RAB3GAP1: variants seen among roughly 807,000 people sequenced by gnomAD.
The protein encoded by RAB3GAP1 is rab3 GTPase-activating protein catalytic subunit.
A neutral mutation model predicts 130.7 loss-of-function variants in RAB3GAP1; 86 were observed. The observed-to-expected ratio is 0.66, with a 90% CI of 0.55 to 0.79. RAB3GAP1 has a LOEUF of 0.79. Ranked by LOEUF, RAB3GAP1 falls within the 30% of genes least tolerant of loss-of-function variation. RAB3GAP1 has a pLI of 0.00. For missense variants in RAB3GAP1, 1,029 were observed against 1,169.4 expected (o/e 0.88, Z 1.75); for synonymous variants, 367 against 401.7 (o/e 0.91, Z 1.03).
intron 5 of RAB3GAP1, among the ~76,000 whole-genome samples, chr2:135,111,499 T>G (rs2104910057): frequency 6.6e-6 from 1 of 152,312 alleles, no homozygotes; most frequent in South Asian, 2.1e-4. Flanking sequence ...TTTAACCCCT[T>G]TTTAATGTGT....
chr2:135,126,645 A>T lies in RAB3GAP1; in HGVS notation c.962A>T (p.Gln321Leu). 1 of 1,610,914 alleles carries T rather than the reference A, an allele frequency of 6.2e-7. No homozygotes were observed. Reference protein sequence around the residue: ...SVRVRKAENPQCLLGDFVTEF... With the variant: ...SVRVRKAENPLCLLGDFVTEF... ...AGAGTTCGAAAAGCTGAGAATCCTC[A>T]GTGTTTGCTAGGTAAGGTATATTAT... The change falls in exon 11 of 24, where the codon CAG becomes CTG. Residue 321 changes from glutamine (Q) to leucine (L), a missense_variant. Gln to Leu is a moderately radical substitution (Grantham distance 113). Coordinates refer to ENST00000264158, the MANE Select transcript of RAB3GAP1 (RefSeq NM_012233.3).
At chr2:135,135,220 T>C (rs1332032612) in intron 15 of RAB3GAP1, 45 bp from the exon 16 acceptor site, 2 of 1,486,862 alleles carry the variant, frequency 1.3e-6, no homozygotes, top group Non-Finnish European at 1.9e-6. Flanking sequence ...TCTGAAGCAA[T>C]TTTACTAAAA....
chr2:135,142,588 A>T (rs760845117), intron 17 of RAB3GAP1, among the ~76,000 whole-genome samples: 2 of 152,158 alleles, frequency 1.3e-5, no homozygotes, highest in Non-Finnish European at 2.9e-5. Flanking sequence ...TCTTGTTCCC[A>T]ACCTCAGAAA....
chr2:135,131,412 A>T (rs573843110), intron 13 of RAB3GAP1, among the ~76,000 whole-genome samples: 175 of 151,654 alleles, frequency 1.2e-3, no homozygotes, highest in Admixed American at 2.2e-3. Flanking sequence ...ATTTTTTTTT[A>T]GTAGAGATAG....
intron 3 of RAB3GAP1, among the ~76,000 whole-genome samples, chr2:135,076,777 C>G (rs1292703334): frequency 6.6e-6 from 1 of 152,192 alleles, no homozygotes; most frequent in Non-Finnish European, 1.5e-5. Flanking sequence ...TTTTTATCAT[C>G]CCAAAGTCTA....
At chr2:135,135,456 C>T in intron 16 of RAB3GAP1, 108 bp from the exon 17 acceptor site, 2 of 1,455,566 alleles carry the variant, frequency 1.4e-6, no homozygotes, top group Non-Finnish European at 1.9e-6. Context: ...CACTGCAATT[C>T]ACAAGGTCCT....
At chr2:135,070,930 A>T (rs183744090) in intron 3 of RAB3GAP1, among the ~76,000 whole-genome samples, 1 of 152,198 alleles carries the variant, frequency 6.6e-6, no homozygotes, top group African/African-American at 2.4e-5. Context: ...CATGACCCCA[A>T]AAAGGTTAAA....
intron 2 of RAB3GAP1, among the ~76,000 whole-genome samples, chr2:135,055,993 C>T (rs1688998365): frequency 1.3e-5 from 2 of 151,880 alleles, no homozygotes; most frequent in Admixed American, 6.6e-5. Flanking sequence ...CCCGCCACCA[C>T]GCCCGGCTAA....
intron 17 of RAB3GAP1, among the ~76,000 whole-genome samples, chr2:135,145,661 TAA>T (rs1558798429): frequency 6.6e-6 from 1 of 152,194 alleles, no homozygotes; most frequent in Non-Finnish European, 1.5e-5. Context: ...TAACATCATT[TAA>T]ATGAAATAGT....
Position 135,079,915 on chromosome 2 carries a change from G to T in RAB3GAP1, c.151-11083G>T, listed in dbSNP as rs565739956. Among the ~76,000 whole-genome samples, 586 of 152,208 alleles carry T rather than the reference G, an allele frequency of 3.8e-3. 8 individuals carry two copies. Among genetic ancestry groups the T allele is most frequent in the Admixed American group, 4.6e-3 (70 of 15,294 alleles). On this transcript the variant is annotated intron_variant, in intron 3 of 23. Coordinates refer to ENST00000264158, the MANE Select transcript of RAB3GAP1 (RefSeq NM_012233.3). ...GAGGCCGAGGCGGGCGGATCACGAG[G>T]TCAGGAGATCGAGACCACGGTGAAA... is the stretch of plus-strand genomic sequence containing the variant.
chr2:135,091,112 A>C lies in RAB3GAP1; in HGVS notation c.265A>C (p.Lys89Gln), dbSNP rs1411310742. ...LVQESTDKEG[K>Q]DELLEDVVPQ... ...ACAAGAGTCCACTGATAAAGAAGGA[A>C]AGGATGAGTTATTAGAGGGTAAGTT... Residue 89 changes from lysine to glutamine, a missense_variant, in exon 4 of 24, where the codon AAG becomes CAG. Transcript: ENST00000264158. The C allele has an allele frequency of 6.3e-7, 1 of 1,594,428 alleles. No homozygotes were observed. The highest frequency in any genetic ancestry group is 1.1e-5 in the South Asian group (1 of 90,652).
At chr2:135,134,292 A>G (rs971795439) in intron 15 of RAB3GAP1, among the ~76,000 whole-genome samples, 2 of 152,150 alleles carry the variant, frequency 1.3e-5, no homozygotes, top group Admixed American at 6.5e-5. Context: ...TAGATTGATT[A>G]CAGTTTTTCC....
chr2:135,138,877 A>G (rs746378854), intron 17 of RAB3GAP1, among the ~76,000 whole-genome samples: 4 of 152,112 alleles, frequency 2.6e-5, no homozygotes, highest in Non-Finnish European at 5.9e-5. Context: ...CGGCCTCCCA[A>G]AGTGCTGGGA....
rs1488507186 is a variant in RAB3GAP1 at position 135,113,340 on chromosome 2, T to C, written c.482+70T>C. 6 of 1,565,056 alleles carry C rather than the reference T, an allele frequency of 3.8e-6. No individual in the cohort carries two copies. In the African/African-American group the frequency reaches 6.8e-5, roughly 18 times the overall value. ...ACAATAATTTATGAAGGCAAACAGTTATTAAATGTTAGCTTTTTAACTGTA... is the reference window on the plus strand; with the variant it reads ...ACAATAATTTATGAAGGCAAACAGTCATTAAATGTTAGCTTTTTAACTGTA... On this transcript the variant is annotated intron_variant, in intron 6 of 23. Transcript: ENST00000264158.
intron 7 of RAB3GAP1, among the ~76,000 whole-genome samples, chr2:135,117,546 T>TCTTCTTCTTCTGCTTCTTCTTCTG (rs1427113050): frequency 9.6e-6 from 1 of 103,902 alleles, no homozygotes; most frequent in Non-Finnish European, 1.8e-5. Flanking sequence ...TTCTTCTGCT[T>TCTTCTTCTTCTGCTTCTTCTTCTG]CTTCTTCTTC....
chr2:135,145,399 T>TACACACACAC, intron 17 of RAB3GAP1, among the ~76,000 whole-genome samples: 1 of 147,112 alleles, frequency 6.8e-6, no homozygotes, highest in African/African-American at 2.5e-5. Context: ...CACACACACA[T>TACACACACAC]ACACACACAC....
intron 7 of RAB3GAP1, among the ~76,000 whole-genome samples, chr2:135,117,585 T>TTCTTCTG (rs1691036368): frequency 7.7e-6 from 1 of 130,390 alleles, no homozygotes; most frequent in African/African-American, 2.9e-5. Context: ...TTCTTCTGCT[T>TTCTTCTG]CTTCTTCTGC....
intron 21 of RAB3GAP1, 48 bp downstream of exon 21, chr2:135,162,899 G>A (rs921538158): frequency 6.3e-7 from 1 of 1,581,598 alleles, no homozygotes; most frequent in African/African-American, 1.3e-5. Context: ...CTCCTCAGTT[G>A]GCAAAAATAA....
chr2:135,101,792 T>C lies in RAB3GAP1; in HGVS notation c.362+8099T>C, dbSNP rs186836560. ...GATATACCTATCCTTTAAATACTTT[T>C]CTTTTTTTATTTTCTTTAAATATCT... On this transcript the variant is annotated intron_variant, in intron 5 of 23. Transcript: ENST00000264158. Among the ~76,000 whole-genome samples the C allele has an allele frequency of 1.6e-3, 243 of 152,288 alleles. 3 individuals are homozygous for C. The highest frequency in any genetic ancestry group is 2.5e-4 in the Non-Finnish European group (17 of 68,040).
Sources: allele counts gnomAD v4.1 joint callset (sites outside exome capture counted in the v4.1 genomes callset), GRCh38; gene constraint gnomAD v4.1.1; transcripts MANE v1.5; gene names NCBI Gene and HGNC (gene_info 2026-07-23, HGNC 2026-07-21).